RPAP2: variants seen among roughly 807,000 people sequenced by gnomAD.
The protein encoded by RPAP2 is putative RNA polymerase II subunit B1 CTD phosphatase RPAP2.
RPAP2 carries 52 observed loss-of-function variants against 73.1 expected under a neutral mutation model. That is an observed-to-expected ratio of 0.71 (90% CI 0.57 to 0.90). The LOEUF is 0.90. Among genes scored for constraint, RPAP2 ranks in the 40% least tolerant of loss-of-function variants. The probability of loss-of-function intolerance (pLI) is 0.00; values close to 1 mark genes in which losing one functional copy is unlikely to be tolerated. For missense variants in RPAP2, 598 were observed against 701.8 expected (o/e 0.85, Z 1.67); for synonymous variants, 225 against 242.1 (o/e 0.93, Z 0.65).
At chr1:92,319,084 C>A (rs1025805523) in intron 6 of RPAP2, among the ~76,000 whole-genome samples, 24 of 152,010 alleles carry the variant, frequency 1.6e-4, no homozygotes, top group Admixed American at 4.6e-4. Context: ...GTAAATACCC[C>A]AGAGTGGAGA....
At chr1:92,349,357 G>A (rs1654080660) in intron 11 of RPAP2, among the ~76,000 whole-genome samples, 1 of 152,146 alleles carries the variant, frequency 6.6e-6, no homozygotes, top group Non-Finnish European at 1.5e-5. Flanking sequence ...ATCCATGAAA[G>A]CTGTTTTCAG....
chr1:92,377,246 C>T (rs558302478), intron 11 of RPAP2, among the ~76,000 whole-genome samples: 4 of 152,076 alleles, frequency 2.6e-5, no homozygotes, highest in South Asian at 2.1e-4. Context: ...GTAGGCCGGG[C>T]GCGGTGGCTC....
At chr1:92,334,031 T>C (rs1192107523) in intron 9 of RPAP2, among the ~76,000 whole-genome samples, 1 of 152,218 alleles carries the variant, frequency 6.6e-6, no homozygotes, top group African/African-American at 2.4e-5. Context: ...TGGTTTTTCT[T>C]TCAAAAAGAA....
chr1:92,357,297 A>C (rs1025163993), intron 11 of RPAP2, among the ~76,000 whole-genome samples: 3 of 152,166 alleles, frequency 2.0e-5, no homozygotes, highest in Admixed American at 6.5e-5. Context: ...GTTAAATGCC[A>C]AAAAAGAAAA....
rs546827237 is a variant in RPAP2 at position 92,348,525 on chromosome 1, C to T, written c.1688+2611C>T. On this transcript the variant is annotated intron_variant, in intron 11 of 12. Coordinates refer to ENST00000610020, the MANE Select transcript of RPAP2 (RefSeq NM_024813.3). ...TTTGCACATTCTGTATCTTCACTAG[C>T]TGAATCTCCCTATTCTTTTGATCAT... 2.8e-4 allele frequency among the ~76,000 whole-genome samples: 42 copies of T among 152,348 alleles called. 1 individual carries two copies. In the South Asian group the frequency reaches 8.5e-3, roughly 31 times the overall value.
chr1:92,343,830 G>A (rs1653730321), intron 10 of RPAP2, among the ~76,000 whole-genome samples: 1 of 152,138 alleles, frequency 6.6e-6, no homozygotes, highest in Admixed American at 6.5e-5. Flanking sequence ...GGGAGGTAGA[G>A]GGCAAGTTGT....
rs1655997892 is a variant in RPAP2, at chr1:92,390,170, A to G, written c.*3159A>G. ...GAAAGGTCAGGTTACCCACAAAGGGAAGCCCATCAGATTAACAGCGGACCT... is the reference window on the plus strand; with the variant it reads ...GAAAGGTCAGGTTACCCACAAAGGGGAGCCCATCAGATTAACAGCGGACCT... On this transcript the variant is annotated 3_prime_UTR_variant, in exon 13 of 13. Coordinates refer to ENST00000610020, the MANE Select transcript of RPAP2 (RefSeq NM_024813.3). The G allele has an allele frequency of 6.6e-6, 1 of 152,274 alleles. No individual in the cohort carries two copies. The highest frequency in any genetic ancestry group is 2.4e-5 in the African/African-American group (1 of 41,476). The allele number at this position is 152,274 out of a possible 1,614,324, so 9.4% of individuals were successfully genotyped here. A position where few individuals can be genotyped will look rare whatever the true frequency, so the allele number is the denominator to read the frequency against.
chr1:92,375,393 A>G (rs145274600), intron 11 of RPAP2, among the ~76,000 whole-genome samples: 54 of 152,300 alleles, frequency 3.5e-4, no homozygotes, highest in Non-Finnish European at 7.2e-4. Context: ...CGAATCACAG[A>G]TCAGAAATAT....
intron 11 of RPAP2, among the ~76,000 whole-genome samples, chr1:92,357,533 T>A (rs904519765): frequency 1.3e-5 from 2 of 152,124 alleles, no homozygotes; most frequent in African/African-American, 4.8e-5. Context: ...GTTGTACTGA[T>A]GGATTTTTTT....
intron 11 of RPAP2, among the ~76,000 whole-genome samples, chr1:92,374,092 T>C (rs899540116): frequency 3.3e-5 from 5 of 152,318 alleles, no homozygotes; most frequent in South Asian, 2.1e-4. Context: ...ATGGCTGTAT[T>C]TGAAATAAAT....
At chr1:92,301,208 A>G (rs1650831331) in intron 2 of RPAP2, among the ~76,000 whole-genome samples, 1 of 152,160 alleles carries the variant, frequency 6.6e-6, no homozygotes, top group Admixed American at 6.5e-5. Context: ...ATTTGGCCGG[A>G]TGTGGTGGCT....
intron 12 of RPAP2, among the ~76,000 whole-genome samples, chr1:92,382,418 C>G (rs1299760111): frequency 2.0e-5 from 3 of 152,258 alleles, no homozygotes; most frequent in African/African-American, 7.2e-5. Flanking sequence ...TCTCCACATC[C>G]TCTCCAGCAC....
chr1:92,348,273 C>T (rs919755715), intron 11 of RPAP2, among the ~76,000 whole-genome samples: 4 of 152,144 alleles, frequency 2.6e-5, no homozygotes, highest in Non-Finnish European at 4.4e-5. Context: ...TTCGTTATGC[C>T]CTAATCCCTA....
chr1:92,304,336 T>C lies in RPAP2; in HGVS notation c.386T>C (p.Ile129Thr). 1 of 1,519,218 alleles carries C rather than the reference T, an allele frequency of 6.6e-7. No homozygotes were observed. Among genetic ancestry groups the C allele is most frequent in the Non-Finnish European group, 9.0e-7 (1 of 1,106,938 alleles). 94.1% of individuals were successfully genotyped at this position (1,519,218 alleles called of 1,614,324 possible). A position where few individuals can be genotyped will look rare whatever the true frequency, so the allele number is the denominator to read the frequency against. ...ISTKTNKVYD[I>T]TERKSFCSNF... is the part of the protein sequence containing the mutation. Reference sequence around the variant, plus strand: ...ACCAAAACCAATAAAGTCTATGATATTACTGAAAGAAAGGTGAGTTTAAAG... The same window carrying C: ...ACCAAAACCAATAAAGTCTATGATACTACTGAAAGAAAGGTGAGTTTAAAG... The change falls in exon 5 of 13, where the codon ATT becomes ACT. Residue 129 changes from isoleucine (I) to threonine (T), a missense_variant. Ile to Thr is a moderately conservative substitution (Grantham distance 89). Coordinates refer to ENST00000610020, the MANE Select transcript of RPAP2 (RefSeq NM_024813.3).
intron 10 of RPAP2, among the ~76,000 whole-genome samples, chr1:92,341,060 C>T (rs1360494852): frequency 6.6e-6 from 1 of 152,070 alleles, no homozygotes; most frequent in Non-Finnish European, 1.5e-5. Context: ...CCAGGTTGGA[C>T]TGCCGTGTCG....
Position 92,400,686 on chromosome 1 carries a change from G to A in RPAP2, c.*13675G>A, listed in dbSNP as rs1249465148. On this transcript the variant is annotated 3_prime_UTR_variant, in exon 13 of 13. Transcript: ENST00000610020. ...TTTCTGTTTGGAGCCTTCACAATTA[G>A]TTTTAGGTTGGGAGACCGTGAACCC... 3.9e-5 allele frequency: 6 copies of A among 152,130 alleles called. No individual in the cohort carries two copies. Among genetic ancestry groups the A allele is most frequent in the Admixed American group, 3.3e-4 (5 of 15,250 alleles). The allele number at this position is 152,130 out of a possible 1,614,324, so 9.4% of individuals were successfully genotyped here.
intron 11 of RPAP2, among the ~76,000 whole-genome samples, chr1:92,379,621 CA>C (rs1655533471): frequency 6.6e-6 from 1 of 152,148 alleles, no homozygotes; most frequent in Non-Finnish European, 1.5e-5. Context: ...AGACGTAATT[CA>C]TTTATTTAGT....
rs1656012700 is a variant in RPAP2 at position 92,390,734 on chromosome 1, G to A, written c.*3723G>A. ...GCAAATGGAAAGCAGAAAAAAGCAG[G>A]GGTTGCAATCCTAGTCTCTGATAAA... On this transcript the variant is annotated 3_prime_UTR_variant, in exon 13 of 13. Transcript: ENST00000610020. 1 of 152,052 alleles carries A rather than the reference G, an allele frequency of 6.6e-6. No individual in the cohort carries two copies. Among genetic ancestry groups the A allele is most frequent in the South Asian group, 2.1e-4 (1 of 4,828 alleles). The allele number at this position is 152,052 out of a possible 1,614,324, so 9.4% of individuals were successfully genotyped here. A position where few individuals can be genotyped will look rare whatever the true frequency, so the allele number is the denominator to read the frequency against.
Position 92,397,285 on chromosome 1 carries a change from G to A in RPAP2, c.*10274G>A, listed in dbSNP as rs1056644440. 12 of 152,264 alleles carry A rather than the reference G, an allele frequency of 7.9e-5. No homozygotes were observed. The highest frequency in any genetic ancestry group is 2.9e-4 in the African/African-American group (12 of 41,438). The allele number at this position is 152,264 out of a possible 1,614,324, so 9.4% of individuals were successfully genotyped here. ...TATGCCTGGAGTCCCAGCTACTCAGGAGTCAGAGGTGGGAGGATCACTTGA... is the reference window on the plus strand; with the variant it reads ...TATGCCTGGAGTCCCAGCTACTCAGAAGTCAGAGGTGGGAGGATCACTTGA... On this transcript the variant is annotated 3_prime_UTR_variant, in exon 13 of 13. Transcript: ENST00000610020.
Sources: allele counts gnomAD v4.1 joint callset (sites outside exome capture counted in the v4.1 genomes callset), GRCh38; gene constraint gnomAD v4.1.1; transcripts MANE v1.5; gene names NCBI Gene and HGNC (gene_info 2026-07-23, HGNC 2026-07-21).